RAET1G: variants seen among roughly 807,000 people sequenced by gnomAD.
RAET1G encodes UL-16 binding protein 5.
A neutral mutation model predicts 29.5 loss-of-function variants in RAET1G; 25 were observed. The ratio of observed to expected loss-of-function variants is 0.85; its 90% confidence interval spans 0.62 to 1.18. The LOEUF (loss-of-function observed/expected upper bound fraction) is 1.18. Ranked by LOEUF, RAET1G falls within the 50% of genes most tolerant of loss-of-function variation. The pLI is 0.00. For missense variants in RAET1G, 434 were observed against 423.6 expected, an observed-to-expected ratio of 1.02 and a Z score of -0.22; for synonymous variants, 167 against 159.5, an observed-to-expected ratio of 1.05 and a Z score of -0.36.
intron 1 of RAET1G, among the ~76,000 whole-genome samples, chr6:149,921,024 A>G (rs1778588783): frequency 6.6e-6 from 1 of 152,192 alleles, no homozygotes; most frequent in African/African-American, 2.4e-5. Context: ...GGACCCTTTA[A>G]CCCCGCAACA....
At position 149,919,305 on chromosome 6, in the gene RAET1G, G is replaced by T. The variant is rs188093777; in HGVS notation, c.369C>A (p.Ala123=). Residue 123 remains alanine, a synonymous_variant, in exon 3 of 5, where the codon GCC becomes GCA. Transcript: ENST00000367360. ...YIPKEPLTLQ[A]RMSCEQKAEG... ...CGGCTTTCTGCTCACAAGACATCCT[G>T]GCCTGCAGGGTGAGGGGTTCTGCCC... The T allele has an allele frequency of 1.9e-5, 30 of 1,613,916 alleles. No homozygotes were observed. The highest frequency in any genetic ancestry group is 1.7e-4 in the Admixed American group (10 of 60,024).
chr6:149,923,003 G>A lies in RAET1G; in HGVS notation c.8C>T (p.Ala3Val), dbSNP rs750475984. The A allele has an allele frequency of 1.2e-6, 2 of 1,600,720 alleles. No individual in the cohort carries two copies. The highest frequency in any genetic ancestry group is 1.7e-6 in the Non-Finnish European group (2 of 1,174,250). MA[A>V]AASPAFLLRL... ...TAGAAGGAACGCGGGGCTGGCGGCC[G>A]CTGCCATTGGGGAGTTGGATCGCAG... Residue 3 changes from alanine (A) to valine (V), a missense_variant, in exon 1 of 5, where the codon GCG (alanine) becomes GTG (valine). Ala to Val is a moderately conservative substitution (Grantham distance 64, BLOSUM62 0). Transcript: ENST00000367360.
Position 149,919,214 on chromosome 6 carries a change from C to G in RAET1G, c.460G>C (p.Glu154Gln), listed in dbSNP as rs1228024585. ...DGQIFLLFDS[E>Q]NRMWTTVHPG... ...TGAACCGTTGTCCACATTCTGTTTT[C>G]TGAGTCAAAGAGGAGGAAGATCTGT... The change falls in exon 3 of 5, where the codon GAA becomes CAA. Residue 154 changes from glutamate (E) to glutamine (Q), a missense_variant. Glu to Gln is a conservative substitution (Grantham distance 29, BLOSUM62 2). Coordinates refer to ENST00000367360, the MANE Select transcript of RAET1G (RefSeq NM_001001788.4). 6.2e-7 allele frequency: 1 copy of G among 1,614,192 alleles called. No individual in the cohort carries two copies.
Position 149,917,019 on chromosome 6 carries a change from G to A in RAET1G, c.898C>T (p.Pro300Ser), listed in dbSNP as rs1168710345. ...GAGTGTGAGTCGTCTCCAATGATAG[G>A]TAAAGTCACGCGAGTCACGTGTCCA... ...SGGHVTRVTL[P>S]IIGDDSHSLP... The change falls in exon 5 of 5, where the codon CCT becomes TCT. Residue 300 changes from proline (P) to serine (S), a missense_variant. Pro to Ser is a moderately conservative substitution (Grantham distance 74, BLOSUM62 -1). Transcript: ENST00000367360. 1 of 1,550,650 alleles carries A rather than the reference G, an allele frequency of 6.4e-7. No individual in the cohort carries two copies. Among genetic ancestry groups the A allele is most frequent in the African/African-American group, 1.4e-5 (1 of 73,148 alleles).
In RAET1G at chr6:149,918,215, A is replaced by G. The variant is rs781074958; in HGVS notation, c.801T>C (p.Leu267=). 6.2e-7 allele frequency: 1 copy of G among 1,614,176 alleles called. No individual in the cohort carries two copies. The highest frequency in any genetic ancestry group is 2.2e-5 in the East Asian group (1 of 44,880). ...SLQPPPHPPL[L]HPTWLLRRVL... is the part of the protein sequence containing the mutation. ...CTCTCCTCAGCAGCCAGGTAGGATG[A>G]AGCAGGGGAGGATGAGGAGGAGGCT... The change falls in exon 4 of 5, where the codon CTT becomes CTC. Residue 267 remains leucine (L), a synonymous_variant. Coordinates refer to ENST00000367360, the MANE Select transcript of RAET1G (RefSeq NM_001001788.4).
At chr6:149,917,166 C>G in intron 4 of RAET1G, 92 bp from the exon 5 acceptor site, 1 of 1,425,792 alleles carries the variant, frequency 7.0e-7, no homozygotes, top group African/African-American at 1.4e-5. Context: ...CTACCGCTAT[C>G]TAGAAGGCGG....
chr6:149,917,155 G>A, intron 4 of RAET1G, 81 bp from the exon 5 acceptor site: 1 of 1,437,954 alleles, frequency 7.0e-7, no homozygotes, highest in Admixed American at 2.5e-5. Flanking sequence ...CACTAATTCT[G>A]CTACCGCTAT....
intron 1 of RAET1G, 88 bp from the exon 2 acceptor site, chr6:149,919,904 C>G (rs1778558609): frequency 1.2e-6 from 2 of 1,609,810 alleles, no homozygotes; most frequent in African/African-American, 2.7e-5. Context: ...GAGGAAGCCT[C>G]TGGAGGGCTG....
chr6:149,919,211 T>C lies in RAET1G; in HGVS notation c.463A>G (p.Asn155Asp). Reference sequence around the variant, plus strand: ...GGATGAACCGTTGTCCACATTCTGTTTTCTGAGTCAAAGAGGAGGAAGATC... The same window carrying C: ...GGATGAACCGTTGTCCACATTCTGTCTTCTGAGTCAAAGAGGAGGAAGATC... Reference protein sequence around the residue: ...GQIFLLFDSENRMWTTVHPGA... With the variant: ...GQIFLLFDSEDRMWTTVHPGA... Residue 155 changes from asparagine to aspartate, a missense_variant, in exon 3 of 5, where the codon AAC (asparagine) becomes GAC (aspartate). By Grantham distance (23) the Asn-to-Asp change is conservative (BLOSUM62 1). Transcript: ENST00000367360. The C allele has an allele frequency of 6.2e-7, 1 of 1,614,196 alleles. No homozygotes were observed. The highest frequency in any genetic ancestry group is 8.5e-7 in the Non-Finnish European group (1 of 1,180,024).
intron 4 of RAET1G, 138 bp from the exon 5 acceptor site, chr6:149,917,212 A>C: frequency 7.9e-7 from 1 of 1,265,014 alleles, no homozygotes. Context: ...AAAGTGGACC[A>C]GGAGCGTGAC....
chr6:149,922,805 G>A, intron 1 of RAET1G, 121 bp downstream of exon 1: 1 of 642,130 alleles, frequency 1.6e-6, no homozygotes, highest in East Asian at 3.2e-5. Flanking sequence ...GAAACTGAGC[G>A]GGGGCGCAGT....
intron 3 of RAET1G, chr6:149,918,626 G>A (rs879310066): frequency 4.4e-5 from 27 of 618,658 alleles, no homozygotes; most frequent in Non-Finnish European, 6.3e-5. Context: ...CTGCTGTGGC[G>A]GAAGAGGAGG....
rs751922280 is a variant in RAET1G, at chr6:149,919,186, G to T, written c.488C>A (p.Pro163His). ...CTTTTCTTTCATCTTTCTGGCTCCA[G>T]GATGAACCGTTGTCCACATTCTGTT... Reference protein sequence around the residue: ...SENRMWTTVHPGARKMKEKWE... With the variant: ...SENRMWTTVHHGARKMKEKWE... The change falls in exon 3 of 5, where the codon CCT becomes CAT. Residue 163 changes from proline (P) to histidine (H), a missense_variant. Physicochemically the swap from Pro to His is moderately conservative, Grantham distance 77. Coordinates refer to ENST00000367360, the MANE Select transcript of RAET1G (RefSeq NM_001001788.4). The T allele has an allele frequency of 2.5e-6, 4 of 1,614,092 alleles. No homozygotes were observed. In the East Asian group the frequency reaches 8.9e-5, roughly 36 times the overall value.
rs1052116641 is a variant in RAET1G, at chr6:149,923,112, A to G, written c.-102T>C. ...ATGCAGCCCGTCTGAATGCAGCCCT[A>G]AACTCCAGTAAGCCCTAAACTCTAG... On this transcript the variant is annotated 5_prime_UTR_variant, in exon 1 of 5. Transcript: ENST00000367360. 2.6e-6 allele frequency: 2 copies of G among 756,626 alleles called. No homozygotes were observed. The highest frequency in any genetic ancestry group is 2.5e-5 in the Admixed American group (1 of 39,256). The allele number at this position is 756,626 out of a possible 1,614,324, so 46.9% of individuals were successfully genotyped here.
At position 149,922,918 on chromosome 6, in the gene RAET1G, G is replaced by C. The variant is rs963820452; in HGVS notation, c.85+8C>G. On this transcript the variant is annotated splice_region_variant and intron_variant, in intron 1 of 4. Transcript: ENST00000367360. ...TCCGCCCCGCTTAGGCTCCATCCCC[G>C]AACTCACCGGCCAGCCCGGTCCTGC... is the stretch of plus-strand genomic sequence containing the variant. 1 of 1,582,694 alleles carries C rather than the reference G, an allele frequency of 6.3e-7. No homozygotes were observed. Among genetic ancestry groups the C allele is most frequent in the Non-Finnish European group, 8.6e-7 (1 of 1,164,508 alleles).
In RAET1G at chr6:149,917,005, G is replaced by T. The variant is rs560309852; in HGVS notation, c.912C>A (p.Asp304Glu). The T allele has an allele frequency of 1.2e-5, 18 of 1,550,532 alleles. No homozygotes were observed. The Admixed American group carries it at 1.4e-4, about 12-fold the overall frequency. The change falls in exon 5 of 5, where the codon GAC becomes GAA. Residue 304 changes from aspartate (D) to glutamate (E), a missense_variant. Coordinates refer to ENST00000367360, the MANE Select transcript of RAET1G (RefSeq NM_001001788.4). ...VTRVTLPIIG[D>E]DSHSLPCPLA... is the part of the protein sequence containing the mutation. ...GAGGGCAGGGTAAGGAGTGTGAGTC[G>T]TCTCCAATGATAGGTAAAGTCACGC... is the stretch of plus-strand genomic sequence containing the variant.
rs9397449 is a variant in RAET1G at position 149,919,693 on chromosome 6, G to C, written c.209C>G (p.Thr70Arg). The C allele has an allele frequency of 0.15, 237,466 of 1,613,764 alleles. 22,272 individuals carry two copies. Among genetic ancestry groups the C allele is most frequent in the East Asian group, 0.55 (24,736 of 44,846 alleles). ...CCCCAGGGGACTGACGGGTGTGACT[G>C]TCTTGCTGCCACAGTCATAGTGAAG... ...TFLHYDCGSK[T>R]VTPVSPLGKK... is the part of the protein sequence containing the mutation. Residue 70 changes from threonine to arginine, a missense_variant, in exon 2 of 5, where the codon ACA becomes AGA. Physicochemically the swap from Thr to Arg is moderately conservative, Grantham distance 71. Transcript: ENST00000367360.
intron 3 of RAET1G, 123 bp from the exon 4 acceptor site, chr6:149,918,507 G>A: frequency 8.7e-7 from 1 of 1,153,032 alleles, no homozygotes; most frequent in Non-Finnish European, 1.3e-6. Context: ...CTGCTATGGG[G>A]CAGCCCCTGG....
intron 3 of RAET1G, chr6:149,918,648 G>C (rs1778511769): frequency 1.6e-6 from 1 of 606,568 alleles, no homozygotes; most frequent in Admixed American, 3.0e-5. Flanking sequence ...GATGCTCCAG[G>C]GTGCGGGAGG....
Sources: allele counts gnomAD v4.1 joint callset (sites outside exome capture counted in the v4.1 genomes callset), GRCh38; gene constraint gnomAD v4.1.1; transcripts MANE v1.5; gene names NCBI Gene and HGNC (gene_info 2026-07-23, HGNC 2026-07-21).